MCMDC2: variants seen among roughly 807,000 people sequenced by gnomAD.
The protein encoded by MCMDC2 is minichromosome maintenance domain-containing protein 2.
In MCMDC2, 54 loss-of-function variants were observed where a neutral mutation model predicts 75.8. That is an observed-to-expected ratio of 0.71 (90% CI 0.57 to 0.89). The LOEUF (loss-of-function observed/expected upper bound fraction) is 0.89, where lower values mean the gene tolerates loss of function less well. Ranked by LOEUF, MCMDC2 falls within the 40% of genes least tolerant of loss-of-function variation. MCMDC2 has a pLI of 0.00. For missense variants in MCMDC2, 656 were observed against 780.4 expected, an observed-to-expected ratio of 0.84 and a Z score of 1.90; for synonymous variants, 249 against 274.6, an observed-to-expected ratio of 0.91 and a Z score of 0.92.
intron 14 of MCMDC2, among the ~76,000 whole-genome samples, chr8:66,914,283 C>CA (rs67943900): frequency 0.13 from 10,844 of 85,506 alleles, 676 homozygotes; most frequent in Non-Finnish European, 0.16. Context: ...ACCCTGTATC[C>CA]AAAAAAAAAA....
Position 66,879,046 on chromosome 8 carries a change from A to G in MCMDC2, c.709+127A>G. The G allele has an allele frequency of 9.1e-6, 6 of 659,264 alleles. No homozygotes were observed. The South Asian group carries it at 1.1e-4, about 12-fold the overall frequency. The allele number at this position is 659,264 out of a possible 1,614,324, so 40.8% of individuals were successfully genotyped here. A position where few individuals can be genotyped will look rare whatever the true frequency, so the allele number is the denominator to read the frequency against. On this transcript the variant is annotated intron_variant, in intron 7 of 14. Transcript: ENST00000422365. ...TGAGGTGGGAGGATCACTTGAGGCC[A>G]GGAGTTTGAGACTAGCTTAAGCAAT... is the stretch of plus-strand genomic sequence containing the variant.
chr8:66,876,503 G>A (rs1348299319), intron 4 of MCMDC2, among the ~76,000 whole-genome samples: 4 of 151,838 alleles, frequency 2.6e-5, no homozygotes, highest in African/African-American at 9.7e-5. Context: ...CCTACCTTTT[G>A]TCACTGGGGG....
intron 1 of MCMDC2, among the ~76,000 whole-genome samples, chr8:66,873,440 G>A (rs1811120788): frequency 6.6e-6 from 1 of 152,086 alleles, no homozygotes; most frequent in African/African-American, 2.4e-5. Flanking sequence ...ACTTTTACCA[G>A]TTTCATTTTT....
intron 14 of MCMDC2, among the ~76,000 whole-genome samples, chr8:66,910,024 C>G (rs1045850891): frequency 1.1e-4 from 17 of 152,246 alleles, no homozygotes; most frequent in Admixed American, 6.5e-5. Context: ...CAGGCTGTTG[C>G]TTCAGAGGGT....
intron 4 of MCMDC2, 23 bp from the exon 5 acceptor site, chr8:66,877,326 T>C: frequency 6.7e-7 from 1 of 1,482,632 alleles, no homozygotes; most frequent in Non-Finnish European, 9.2e-7. Flanking sequence ...TTTTCATTAA[T>C]ACCATTTTTA....
chr8:66,925,627 A>T (rs1166741117), downstream of MCMDC2: 1 of 152,198 alleles, frequency 6.6e-6, no homozygotes, highest in Non-Finnish European at 1.5e-5. Flanking sequence ...GCGGGTGCGA[A>T]GGGGGGCTGA....
rs1380757504 is a variant in MCMDC2 at position 66,877,418 on chromosome 8, C to A, written c.355C>A (p.Pro119Thr). 6.2e-7 allele frequency: 1 copy of A among 1,613,176 alleles called. No individual in the cohort carries two copies. Among genetic ancestry groups the A allele is most frequent in the Non-Finnish European group, 8.5e-7 (1 of 1,179,528 alleles). Residue 119 changes from proline to threonine, a missense_variant, in exon 5 of 15, where the codon CCA becomes ACA. By Grantham distance (38) the Pro-to-Thr change is conservative. Coordinates refer to ENST00000422365, the MANE Select transcript of MCMDC2 (RefSeq NM_173518.5). ...PSYGLDLCEFPLDYTSQRFYM... is the reference protein window; with the variant it reads ...PSYGLDLCEFTLDYTSQRFYM... The stretch of plus-strand genomic sequence containing the variant: ...TTATGGTCTTGATCTTTGTGAGTTT[C>A]CACTTGATTATACATCTCAGAGATT...
At chr8:66,873,205 G>A (rs1290439099) in intron 1 of MCMDC2, among the ~76,000 whole-genome samples, 2 of 151,970 alleles carry the variant, frequency 1.3e-5, no homozygotes, top group African/African-American at 4.8e-5. Context: ...CATTACTGTG[G>A]TTTAATGTTT....
Position 66,878,908 on chromosome 8 carries a change from T to C in MCMDC2, c.698T>C (p.Ile233Thr). ...NQPFRFQSLT[I>T]FLRDESVNKM... is the part of the protein sequence containing the mutation. ...CCATTTAGGTTTCAATCACTTACAATTTTCCTAAGAGGTAAGTGAATTCTG... is the reference window on the plus strand; with the variant it reads ...CCATTTAGGTTTCAATCACTTACAACTTTCCTAAGAGGTAAGTGAATTCTG... The change falls in exon 7 of 15, where the codon ATT becomes ACT. Residue 233 changes from isoleucine (I) to threonine (T), a missense_variant. Transcript: ENST00000422365. 1 of 1,599,252 alleles carries C rather than the reference T, an allele frequency of 6.3e-7. No individual in the cohort carries two copies. The highest frequency in any genetic ancestry group is 2.2e-5 in the East Asian group (1 of 44,700).
At chr8:66,925,552 A>C (rs533565430), downstream of MCMDC2, 42 of 152,378 alleles carry the variant, frequency 2.8e-4, no homozygotes, top group African/African-American at 9.9e-4. Context: ...GAAGAGCGAC[A>C]TCGGAAGACA....
intron 9 of MCMDC2, among the ~76,000 whole-genome samples, chr8:66,886,476 A>G (rs1396596484): frequency 2.0e-5 from 3 of 152,228 alleles, no homozygotes; most frequent in Admixed American, 6.5e-5. Flanking sequence ...ATAACTTTAT[A>G]AGAAACTGCC....
At chr8:66,906,924 A>G (rs1812926163) in intron 14 of MCMDC2, among the ~76,000 whole-genome samples, 1 of 151,872 alleles carries the variant, frequency 6.6e-6, no homozygotes, top group Admixed American at 6.6e-5. Context: ...ATGCGCCACC[A>G]CGCCCAGCTA....
At chr8:66,901,792 G>A (rs748689202) in intron 13 of MCMDC2, 4 of 200,290 alleles carry the variant, frequency 2.0e-5, no homozygotes, top group East Asian at 1.9e-4. Context: ...TTAGCTAGGC[G>A]TGGTGGTGCG....
chr8:66,894,449 A>T (rs1228243282), intron 10 of MCMDC2, among the ~76,000 whole-genome samples: 1 of 152,208 alleles, frequency 6.6e-6, no homozygotes, highest in Non-Finnish European at 1.5e-5. Flanking sequence ...GTCCTTCCTC[A>T]CTTATCAGTA....
chr8:66,896,443 G>A (rs1165914875), intron 11 of MCMDC2, 107 bp downstream of exon 11: 1 of 1,054,830 alleles, frequency 9.5e-7, no homozygotes, highest in East Asian at 2.7e-5. Flanking sequence ...ATACTTTATT[G>A]AGTACCAGAA....
At chr8:66,879,262 C>T (rs1361431737) in intron 7 of MCMDC2, among the ~76,000 whole-genome samples, 1 of 151,698 alleles carries the variant, frequency 6.6e-6, no homozygotes, top group African/African-American at 2.4e-5. Flanking sequence ...CAGAGAGACA[C>T]CCTGTCTCAA....
chr8:66,920,764 G>A lies in MCMDC2; in HGVS notation c.*1595G>A, dbSNP rs1352425817. ...CGCCACCTCAGCTCCCTGCAGCCTT[G>A]ACCTTGCAAGTAATTCTCCCACCTT... On this transcript the variant is annotated 3_prime_UTR_variant, in exon 15 of 15. Transcript: ENST00000422365. 1 of 151,936 alleles carries A rather than the reference G, an allele frequency of 6.6e-6. No homozygotes were observed. The highest frequency in any genetic ancestry group is 1.5e-5 in the Non-Finnish European group (1 of 67,998). The allele number at this position is 151,936 out of a possible 1,614,324, so 9.4% of individuals were successfully genotyped here.
chr8:66,896,469 G>T, intron 11 of MCMDC2, 133 bp downstream of exon 11: 1 of 829,986 alleles, frequency 1.2e-6, no homozygotes, highest in Non-Finnish European at 1.8e-6. Context: ...TGATGACCCA[G>T]TTGTTTAAAA....
intron 7 of MCMDC2, 37 bp from the exon 8 acceptor site, chr8:66,880,812 G>A: frequency 6.8e-7 from 1 of 1,476,142 alleles, no homozygotes; most frequent in Non-Finnish European, 9.0e-7. Context: ...AGTTCATTTA[G>A]TGAATATGTA....
Sources: gnomAD v4.1 joint callset for allele counts (sites outside exome capture counted in the v4.1 genomes callset) on GRCh38, gnomAD v4.1.1 for gene constraint, MANE v1.5 for transcripts, NCBI Gene and HGNC (gene_info 2026-07-23, HGNC 2026-07-21) for gene names.